TOPBP1: variants seen among roughly 807,000 people sequenced by gnomAD.
The protein encoded by TOPBP1 is DNA topoisomerase 2-binding protein 1.
In TOPBP1, 28 loss-of-function variants were observed where a neutral mutation model predicts 167.7. The observed-to-expected ratio is 0.17, with a 90% confidence interval of 0.12 to 0.23. TOPBP1 has a LOEUF of 0.23. TOPBP1 is among the 10% of genes least tolerant of loss of function. The pLI is 1.00. For synonymous variants in TOPBP1, 598 were observed against 611.4 expected, an observed-to-expected ratio of 0.98 and a Z score of 0.32; for missense variants, 1,554 against 1,809.6, an observed-to-expected ratio of 0.86 and a Z score of 2.56.
intron 23 of TOPBP1, among the ~76,000 whole-genome samples, chr3:133,613,050 A>G (rs1390147488): frequency 1.3e-5 from 2 of 151,976 alleles, no homozygotes; most frequent in Non-Finnish European, 2.9e-5. Flanking sequence ...TAGTAAACAC[A>G]GGGTTTCACC....
intron 2 of TOPBP1, 94 bp from the exon 3 acceptor site, chr3:133,659,244 T>C: frequency 7.7e-7 from 1 of 1,290,972 alleles, no homozygotes; most frequent in Non-Finnish European, 1.0e-6. Context: ...CTTTTCCCTA[T>C]TGAAAGCCAC....
In TOPBP1 at chr3:133,659,039, C is replaced by T. The variant is rs189777911; in HGVS notation, c.196G>A (p.Val66Ile). 8.3e-5 allele frequency: 132 copies of T among 1,599,908 alleles called. No individual in the cohort carries two copies. Among genetic ancestry groups the T allele is most frequent in the Admixed American group, 2.9e-4 (17 of 57,890 alleles). ...SLYICDPFSG[V>I]VFDHLKKLGC... The stretch of plus-strand genomic sequence containing the variant: ...ACCTTTTTGAGGTGATCAAAGACAA[C>T]GCCACTAAAAGGGTCACAGATATAA... Residue 66 changes from valine (V) to isoleucine (I), a missense_variant, in exon 3 of 28, where the codon GTT (valine) becomes ATT (isoleucine). Val to Ile is a conservative substitution (Grantham distance 29). Around this residue, in one of 3 missense-constraint regions of TOPBP1, gnomAD observed 1,197 missense variants for 1,351.5 expected, o/e 0.89. Coordinates refer to ENST00000260810, the MANE Select transcript of TOPBP1 (RefSeq NM_007027.4).
intron 3 of TOPBP1, among the ~76,000 whole-genome samples, chr3:133,658,633 A>G (rs1332200714): frequency 6.6e-6 from 1 of 151,810 alleles, no homozygotes; most frequent in Non-Finnish European, 1.5e-5. Context: ...ACATCGAGAA[A>G]CCCTTTCTCT....
At chr3:133,654,996 G>C (rs1201002167) in intron 6 of TOPBP1, among the ~76,000 whole-genome samples, 1 of 152,066 alleles carries the variant, frequency 6.6e-6, no homozygotes, top group Non-Finnish European at 1.5e-5. Flanking sequence ...GATCAATTGA[G>C]GTCAGTTAGA....
Position 133,624,117 on chromosome 3 carries a change from T to G in TOPBP1, c.2863A>C (p.Asn955His). ...FIYQGRPNDT[N>H]REYKSVKERG... ...TCTTTTACAGATTTATACTCCCGAT[T>G]AGTGTCATTTGGCCGCCCTTGATAG... Residue 955 changes from asparagine (N) to histidine (H), a missense_variant, in exon 17 of 28, where the codon AAT becomes CAT. Around this residue, in one of 3 missense-constraint regions of TOPBP1, gnomAD observed 1,197 missense variants for 1,351.5 expected, o/e 0.89. Coordinates refer to ENST00000260810, the MANE Select transcript of TOPBP1 (RefSeq NM_007027.4). 6.2e-7 allele frequency: 1 copy of G among 1,613,894 alleles called. No homozygotes were observed. The highest frequency in any genetic ancestry group is 8.5e-7 in the Non-Finnish European group (1 of 1,179,840).
At chr3:133,637,430 T>C (rs932335074) in intron 14 of TOPBP1, among the ~76,000 whole-genome samples, 7 of 152,186 alleles carry the variant, frequency 4.6e-5, no homozygotes, top group Non-Finnish European at 4.4e-5. Flanking sequence ...TAAGGTGATA[T>C]ACACACATTT....
At chr3:133,607,649 G>A (rs956049450) in intron 27 of TOPBP1, among the ~76,000 whole-genome samples, 1 of 152,024 alleles carries the variant, frequency 6.6e-6, no homozygotes, top group Non-Finnish European at 1.5e-5. Flanking sequence ...CTGATTCCAG[G>A]AGTCCAAGGG....
chr3:133,653,594 T>A, intron 6 of TOPBP1, 70 bp from the exon 7 acceptor site: 9 of 1,243,024 alleles, frequency 7.2e-6, no homozygotes, highest in African/African-American at 1.6e-5. Flanking sequence ...TTACAATCTA[T>A]CTTTGCAGAA....
rs1559823210 is a variant in TOPBP1, at chr3:133,638,178, GA to G, written c.2234-17del. 6.2e-7 allele frequency: 1 copy of G among 1,608,570 alleles called. No individual in the cohort carries two copies. The highest frequency in any genetic ancestry group is 1.1e-5 in the South Asian group (1 of 90,740). On this transcript the variant is annotated splice_polypyrimidine_tract_variant and intron_variant, in intron 13 of 27. Coordinates refer to ENST00000260810, the MANE Select transcript of TOPBP1 (RefSeq NM_007027.4). The stretch of plus-strand genomic sequence containing the variant: ...AAACTTCGTTCTAGAGATTTAAAAT[GA>G]AAAGAAACAAATATGAGCCACTAAT...
intron 23 of TOPBP1, among the ~76,000 whole-genome samples, chr3:133,616,352 C>T (rs1017235647): frequency 6.6e-6 from 1 of 151,984 alleles, no homozygotes; most frequent in Admixed American, 6.6e-5. Context: ...AAACTCCTGA[C>T]CCCAGGTGAT....
Position 133,640,067 on chromosome 3 carries a change from T to C in TOPBP1, c.2125A>G (p.Lys709Glu). The change falls in exon 13 of 28, where the codon AAG becomes GAG. Residue 709 changes from lysine to glutamate, a missense_variant. This residue lies in a region of TOPBP1 where 1,197 missense variants were observed against 1,351.5 expected (regional missense o/e 0.89). Coordinates refer to ENST00000260810, the MANE Select transcript of TOPBP1 (RefSeq NM_007027.4). ...ERGGSKYEAA[K>E]KWNLPAVTIA... ...GTAACGGCAGGTAAATTCCACTTCT[T>C]TGCAGCTTCATATTTAGAGCCACCA... 1 of 1,613,904 alleles carries C rather than the reference T, an allele frequency of 6.2e-7. No individual in the cohort carries two copies. Among genetic ancestry groups the C allele is most frequent in the Non-Finnish European group, 8.5e-7 (1 of 1,179,854 alleles).
chr3:133,618,143 T>TC, intron 21 of TOPBP1, 70 bp downstream of exon 21: 1 of 1,301,056 alleles, frequency 7.7e-7, no homozygotes, highest in Non-Finnish European at 1.1e-6. Flanking sequence ...TACAACATGC[T>TC]CATCTGTTTA....
intron 6 of TOPBP1, among the ~76,000 whole-genome samples, chr3:133,654,901 A>G (rs1016097099): frequency 4.6e-5 from 7 of 152,172 alleles, no homozygotes; most frequent in Non-Finnish European, 7.4e-5. Flanking sequence ...GCTGTTCTGT[A>G]AAGATTTTAA....
chr3:133,651,808 C>T (rs1936316099), intron 8 of TOPBP1, among the ~76,000 whole-genome samples: 1 of 152,106 alleles, frequency 6.6e-6, no homozygotes, highest in Non-Finnish European at 1.5e-5. Flanking sequence ...AAGTCTTACC[C>T]TCAAGATAAT....
rs762718182 is a variant in TOPBP1, at chr3:133,624,113, C to T, written c.2867G>A (p.Arg956Gln). 8.7e-6 allele frequency: 14 copies of T among 1,613,730 alleles called. No individual in the cohort carries two copies. The highest frequency in any genetic ancestry group is 1.7e-4 in the Middle Eastern group (1 of 6,060). The change falls in exon 17 of 28, where the codon CGG becomes CAG. Residue 956 changes from arginine (R) to glutamine (Q), a missense_variant. Physicochemically the swap from Arg to Gln is conservative, Grantham distance 43. Around this residue, in one of 3 missense-constraint regions of TOPBP1, gnomAD observed 1,197 missense variants for 1,351.5 expected, o/e 0.89. Coordinates refer to ENST00000260810, the MANE Select transcript of TOPBP1 (RefSeq NM_007027.4). ...IYQGRPNDTN[R>Q]EYKSVKERGV... ...TCTTTCTTTTACAGATTTATACTCC[C>T]GATTAGTGTCATTTGGCCGCCCTTG...
chr3:133,641,997 GCTT>G (rs995251693), intron 12 of TOPBP1, among the ~76,000 whole-genome samples: 11 of 151,874 alleles, frequency 7.2e-5, no homozygotes, highest in African/African-American at 2.7e-4. Flanking sequence ...CACTATTTGG[GCTT>G]TTTTTTGGAG....
In TOPBP1 at chr3:133,601,358, T is replaced by C; in HGVS notation, c.4461A>G (p.Pro1487=). The change falls in exon 28 of 28, where the codon CCA becomes CCG. Residue 1487 remains proline, a synonymous_variant. Coordinates refer to ENST00000260810, the MANE Select transcript of TOPBP1 (RefSeq NM_007027.4). ...SPPHVENYCL[P]EAISFIQNNK... Reference sequence around the variant, plus strand: ...TATTCTGAATAAATGAAATAGCTTCTGGTAGACAGTAATTTTCTACATGAG... The same window carrying C: ...TATTCTGAATAAATGAAATAGCTTCCGGTAGACAGTAATTTTCTACATGAG... 6.4e-7 allele frequency: 1 copy of C among 1,567,744 alleles called. No individual in the cohort carries two copies. The highest frequency in any genetic ancestry group is 8.6e-7 in the Non-Finnish European group (1 of 1,157,942).
intron 17 of TOPBP1, 27 bp from the exon 18 acceptor site, chr3:133,623,484 C>G: frequency 6.3e-7 from 1 of 1,578,066 alleles, no homozygotes; most frequent in South Asian, 1.2e-5. Context: ...TGCTTTAAGA[C>G]AGGACTGACA....
rs528420950 is a variant in TOPBP1, at chr3:133,622,981, G to A, written c.3178+110C>T. Reference sequence around the variant, plus strand: ...CTCACAAGGCAGGAGGATCCTTTCAGCCCAGGAGTTTCAGACCAGTGTGGG... The same window carrying A: ...CTCACAAGGCAGGAGGATCCTTTCAACCCAGGAGTTTCAGACCAGTGTGGG... On this transcript the variant is annotated intron_variant, in intron 19 of 27. Coordinates refer to ENST00000260810, the MANE Select transcript of TOPBP1 (RefSeq NM_007027.4). 2.7e-4 allele frequency: 161 copies of A among 600,668 alleles called. No homozygotes were observed. The African/African-American group carries it at 2.8e-3, about 10-fold the overall frequency. The allele number at this position is 600,668 out of a possible 1,614,324, so 37.2% of individuals were successfully genotyped here.
Sources: allele counts gnomAD v4.1 joint callset (sites outside exome capture counted in the v4.1 genomes callset), GRCh38; gene constraint gnomAD v4.1.1; regional missense constraint gnomAD v4.1.1; transcripts MANE v1.5; gene names NCBI Gene and HGNC (gene_info 2026-07-23, HGNC 2026-07-21).